Variants in ANKRD24 observed in about 807,000 individuals in gnomAD.
The protein encoded by ANKRD24 is ankyrin repeat domain-containing protein 24.
A neutral mutation model predicts 127.8 loss-of-function variants in ANKRD24; 109 were observed. The observed-to-expected ratio is 0.85, with a 90% confidence interval of 0.73 to 1.00. ANKRD24 has a LOEUF of 1.00. Among genes scored for constraint, ANKRD24 ranks in the 50% least tolerant of loss-of-function variants. The pLI is 0.00. For missense variants in ANKRD24, 1,648 were observed against 1,570.2 expected, an observed-to-expected ratio of 1.05 and a Z score of -0.84; for synonymous variants, 743 against 671.1, an observed-to-expected ratio of 1.11 and a Z score of -1.66.
chr19:4,187,185 G>A (rs960925040), intron 2 of ANKRD24, among the ~76,000 whole-genome samples: 1 of 152,044 alleles, frequency 6.6e-6, no homozygotes, highest in Admixed American at 6.5e-5. Context: ...GGCCAAGGCA[G>A]GCAGATCACG....
chr19:4,224,334 C>T lies in ANKRD24; in HGVS notation c.3364-94C>T, dbSNP rs79428378. ...GTGGGAGCCCCCCTGTGTGCATTTC[C>T]CTCCTGGCTGGCTTGGTCTATGGGA... On this transcript the variant is annotated intron_variant, in intron 21 of 21. Coordinates refer to ENST00000318934, the MANE Select transcript of ANKRD24 (RefSeq NM_001393985.1). The T allele has an allele frequency of 9.0e-4, 1,323 of 1,467,500 alleles. 9 individuals carry two copies. The East Asian group carries it at 0.013, about 14-fold the overall frequency. 90.9% of individuals were successfully genotyped at this position (1,467,500 alleles called of 1,614,324 possible).
chr19:4,222,890 A>G (rs781731217), intron 20 of ANKRD24, 95 bp downstream of exon 20: 9 of 1,374,596 alleles, frequency 6.5e-6, no homozygotes, highest in Non-Finnish European at 8.6e-6. Flanking sequence ...ATCCCAGGAG[A>G]GGGGCTGGGG....
intron 17 of ANKRD24, 28 bp from the exon 18 acceptor site, chr19:4,216,522 G>C (rs748332989): frequency 7.6e-6 from 12 of 1,581,166 alleles, no homozygotes; most frequent in Middle Eastern, 1.7e-4. Context: ...ACTCCTGCCA[G>C]ACTCCTGCCC....
intron 15 of ANKRD24, 29 bp downstream of exon 15, chr19:4,212,727 C>A: frequency 6.5e-7 from 1 of 1,535,638 alleles, no homozygotes; most frequent in Non-Finnish European, 8.8e-7. Flanking sequence ...CAGGGCTGGG[C>A]TGGGGCTGGG....
chr19:4,223,399 A>ATTTTT (rs1248797551), intron 20 of ANKRD24, among the ~76,000 whole-genome samples: 11 of 56,348 alleles, frequency 2.0e-4, no homozygotes, highest in African/African-American at 7.8e-4. Flanking sequence ...ATATATATAT[A>ATTTTT]TATTTTTTTT....
chr19:4,199,972 T>G lies in ANKRD24; in HGVS notation c.221T>G (p.Val74Gly), dbSNP rs373580986. Residue 74 changes from valine (V) to glycine (G), a missense_variant, in exon 4 of 22, where the codon GTG becomes GGG. Coordinates refer to ENST00000318934, the MANE Select transcript of ANKRD24 (RefSeq NM_001393985.1). This position sits in a 1 kb window ranked among gnomAD's most constrained non-coding sequence, Gnocchi z 5.2. ...GCCCTCATCGCCCGCAAGGGGCTGG[T>G]GCCCACGAAGCTAGACCCCGAGGGC... ...VAALIARKGLVPTKLDPEGKS... is the reference protein window; with the variant it reads ...VAALIARKGLGPTKLDPEGKS... 6.4e-7 allele frequency: 1 copy of G among 1,564,572 alleles called. No homozygotes were observed.
rs201464721 is a variant in ANKRD24 at position 4,209,116 on chromosome 19, G to GT, written c.870+323dup. On this transcript the variant is annotated intron_variant, in intron 11 of 21. Transcript: ENST00000318934. Reference sequence around the variant, plus strand: ...TCTTCCCCTCTTTCAGTTTTTTTGTGTTTTTTTTCCCCGAGGTGGAGTCTC... The same window carrying GT: ...TCTTCCCCTCTTTCAGTTTTTTTGTGTTTTTTTTTCCCCGAGGTGGAGTCTC... 1,657 of 252,328 alleles carry GT rather than the reference G, an allele frequency of 6.6e-3. 31 individuals carry two copies. The highest frequency in any genetic ancestry group is 0.035 in the African/African-American group (1,549 of 44,224). 15.6% of individuals were successfully genotyped at this position (252,328 alleles called of 1,614,324 possible).
rs892675264 is a variant in ANKRD24 at position 4,198,853 on chromosome 19, C to A, written c.37-830C>A. On this transcript the variant is annotated intron_variant, in intron 2 of 21. Transcript: ENST00000318934. This position sits in a 1 kb window ranked among gnomAD's most constrained non-coding sequence, Gnocchi z 6.1. ...GGTCATTGAGGGGACAACTTGGAAG[C>A]TATTTTGGGAGAGCCGATTTTGCGA... 6.6e-6 allele frequency among the ~76,000 whole-genome samples: 1 copy of A among 151,978 alleles called. No homozygotes were observed.
chr19:4,192,792 G>T (rs532542333), intron 2 of ANKRD24, among the ~76,000 whole-genome samples: 1 of 151,252 alleles, frequency 6.6e-6, no homozygotes, highest in Non-Finnish European at 1.5e-5. Flanking sequence ...AATTAGTTGG[G>T]TATGGTGGTG....
Position 4,217,533 on chromosome 19 carries a change from G to A in ANKRD24, c.2373G>A (p.Leu791=). ...ACACCACACAGCTGCGGGCGGCCCT[G>A]GAGCAGGCCCGGGAGGACCTCCGAG... ...GGDTTQLRAA[L]EQAREDLRDR... Residue 791 remains leucine (L), a synonymous_variant, in exon 18 of 22, where the codon CTG becomes CTA. Transcript: ENST00000318934. 2.2e-6 allele frequency: 3 copies of A among 1,353,196 alleles called. No individual in the cohort carries two copies. The highest frequency in any genetic ancestry group is 1.9e-6 in the Non-Finnish European group (2 of 1,058,882). 83.8% of individuals were successfully genotyped at this position (1,353,196 alleles called of 1,614,324 possible). A position where few individuals can be genotyped will look rare whatever the true frequency, so the allele number is the denominator to read the frequency against.
rs760866449 is a variant in ANKRD24, at chr19:4,207,940, G to A, written c.804G>A (p.Glu268=). ...GDKLILHLLQ[E]AAQRPSPPSA... ...AACTCATCCTGCACCTTCTGCAAGA[G>A]GCGGCCCAGCGCCCCTCCCCACCCA... is the stretch of plus-strand genomic sequence containing the variant. The change falls in exon 10 of 22, where the codon GAG becomes GAA. Residue 268 remains glutamate (E), a synonymous_variant. Coordinates refer to ENST00000318934, the MANE Select transcript of ANKRD24 (RefSeq NM_001393985.1). The A allele has an allele frequency of 1.3e-6, 2 of 1,533,170 alleles. No homozygotes were observed. Among genetic ancestry groups the A allele is most frequent in the Non-Finnish European group, 1.8e-6 (2 of 1,142,236 alleles). The allele number at this position is 1,533,170 out of a possible 1,614,324, so 95.0% of individuals were successfully genotyped here.
At position 4,212,587 on chromosome 19, in the gene ANKRD24, C is replaced by T. The variant is rs1050448193; in HGVS notation, c.1099-13C>T. 1 of 1,550,312 alleles carries T rather than the reference C, an allele frequency of 6.5e-7. No homozygotes were observed. The highest frequency in any genetic ancestry group is 8.7e-7 in the Non-Finnish European group (1 of 1,146,714). On this transcript the variant is annotated splice_polypyrimidine_tract_variant and intron_variant, in intron 14 of 21. Coordinates refer to ENST00000318934, the MANE Select transcript of ANKRD24 (RefSeq NM_001393985.1). Reference sequence around the variant, plus strand: ...CCTCCCAGAGGCAGCTGAGCCTCCACTGCTGCTCCCAGGTGCAAGAGCTAC... The same window carrying T: ...CCTCCCAGAGGCAGCTGAGCCTCCATTGCTGCTCCCAGGTGCAAGAGCTAC...
chr19:4,191,619 T>A (rs1251390943), intron 2 of ANKRD24, among the ~76,000 whole-genome samples: 1 of 151,134 alleles, frequency 6.6e-6, no homozygotes, highest in Non-Finnish European at 1.5e-5. Context: ...GTAGCTGGGA[T>A]TACAGGTGCA....
At chr19:4,220,237 G>A (rs765513713) in intron 19 of ANKRD24, among the ~76,000 whole-genome samples, 14 of 152,076 alleles carry the variant, frequency 9.2e-5, no homozygotes, top group African/African-American at 1.4e-4. Flanking sequence ...CCCCCAAAAG[G>A]GCTGGGGTTA....
chr19:4,200,018 G>A lies in ANKRD24; in HGVS notation c.254+13G>A, dbSNP rs755138595. The A allele has an allele frequency of 3.8e-6, 6 of 1,563,052 alleles. No homozygotes were observed. Among genetic ancestry groups the A allele is most frequent in the African/African-American group, 1.4e-5 (1 of 73,744 alleles). ...AGGGCAAGTCCGCGTGAGTGCCCGCGACCCGGGAGTGAGATGGCTGAGGGG... is the reference window on the plus strand; with the variant it reads ...AGGGCAAGTCCGCGTGAGTGCCCGCAACCCGGGAGTGAGATGGCTGAGGGG... On this transcript the variant is annotated intron_variant, in intron 4 of 21. Transcript: ENST00000318934.
intron 1 of ANKRD24, among the ~76,000 whole-genome samples, chr19:4,185,003 G>T (rs1967978493): frequency 7.3e-6 from 1 of 137,486 alleles, no homozygotes; most frequent in Non-Finnish European, 1.5e-5. Context: ...TGGATTGGTG[G>T]TTGGGTGGGT....
At chr19:4,197,101 T>C (rs1480770425) in intron 2 of ANKRD24, among the ~76,000 whole-genome samples, 2 of 152,096 alleles carry the variant, frequency 1.3e-5, no homozygotes, top group Non-Finnish European at 2.9e-5. Flanking sequence ...CCCTCCGCAG[T>C]AGGAACTATT....
chr19:4,196,207 G>C (rs2145257648), intron 2 of ANKRD24, among the ~76,000 whole-genome samples: 1 of 152,276 alleles, frequency 6.6e-6, no homozygotes, highest in South Asian at 2.1e-4. Context: ...TTGAGAGGGA[G>C]AATTTCAGAG....
At chr19:4,185,384 C>T (rs532879974) in intron 1 of ANKRD24, among the ~76,000 whole-genome samples, 32 of 152,044 alleles carry the variant, frequency 2.1e-4, no homozygotes, top group African/African-American at 4.3e-4. Flanking sequence ...GTGGTAAATG[C>T]GTGGAAGGGT....
Sources: gnomAD v4.1 joint callset for allele counts (sites outside exome capture counted in the v4.1 genomes callset) on GRCh38, gnomAD v4.1.1 for gene constraint, Gnocchi (gnomAD v3.1) non-coding constraint, MANE v1.5 for transcripts, NCBI Gene and HGNC (gene_info 2026-07-23, HGNC 2026-07-21) for gene names.